Variants in IL7 observed in about 807,000 individuals in gnomAD.
The protein encoded by IL7 is interleukin 7, also known as interleukin-7.
Under a neutral mutation model 21.6 loss-of-function variants are expected in IL7, and 3 were observed. The observed-to-expected ratio is 0.14, with a 90% CI of 0.06 to 0.36. The LOEUF (loss-of-function observed/expected upper bound fraction) is 0.36, where lower values mean the gene tolerates loss of function less well. Among genes scored for constraint, IL7 ranks in the 10% least tolerant of loss-of-function variants. IL7 has a pLI of 1.00. For synonymous variants in IL7, 62 were observed against 68.1 expected (o/e 0.91, Z 0.44); for missense variants, 175 against 200.2 (o/e 0.87, Z 0.76).
At chr8:78,764,630 C>T (rs117999268) in intron 2 of IL7, among the ~76,000 whole-genome samples, 1,697 of 151,614 alleles carry the variant, frequency 0.011, 17 homozygotes, top group South Asian at 0.031. Context: ...AAAAAAATGT[C>T]CAAAATACAT....
At chr8:78,799,965 A>T (rs988315786) in intron 1 of IL7, among the ~76,000 whole-genome samples, 1 of 152,192 alleles carries the variant, frequency 6.6e-6, no homozygotes. Context: ...TTTCTTACTA[A>T]TACATATTTA....
intron 2 of IL7, among the ~76,000 whole-genome samples, chr8:78,746,478 C>A (rs1490794319): frequency 6.6e-6 from 1 of 152,184 alleles, no homozygotes; most frequent in Non-Finnish European, 1.5e-5. Context: ...TAAGAGAAAG[C>A]AAGGAGGAAG....
intron 2 of IL7, among the ~76,000 whole-genome samples, chr8:78,784,394 G>A (rs1238331058): frequency 6.6e-6 from 1 of 152,096 alleles, no homozygotes; most frequent in Non-Finnish European, 1.5e-5. Context: ...AGCCACCAAA[G>A]TACCAAAGTC....
intron 3 of IL7, among the ~76,000 whole-genome samples, chr8:78,739,187 G>A (rs1025805673): frequency 6.6e-6 from 1 of 152,112 alleles, no homozygotes; most frequent in Non-Finnish European, 1.5e-5. Flanking sequence ...GTTTTTAAAA[G>A]ACTATGAAAT....
At chr8:78,695,000 C>G (rs1810352141) in intron 3 of IL7, among the ~76,000 whole-genome samples, 1 of 152,024 alleles carries the variant, frequency 6.6e-6, no homozygotes, top group Admixed American at 6.5e-5. Flanking sequence ...TCTTTATATA[C>G]CAGTAGACTT....
Position 78,805,104 on chromosome 8 carries a change from G to A in IL7, c.-182C>T, listed in dbSNP as rs1040983225. 6.2e-5 allele frequency: 37 copies of A among 598,560 alleles called. No homozygotes were observed. Among genetic ancestry groups the A allele is most frequent in the Non-Finnish European group, 1.0e-4 (34 of 336,774 alleles). 37.1% of individuals were successfully genotyped at this position (598,560 alleles called of 1,614,324 possible). On this transcript the variant is annotated 5_prime_UTR_variant, in exon 1 of 6. Coordinates refer to ENST00000263851, the MANE Select transcript of IL7 (RefSeq NM_000880.4). ...GCGACTGCAGTTTCATCCATCCCAA[G>A]GGGGGCGGCACACACTACGGCGTGG...
At chr8:78,797,738 T>C (rs1352583978) in intron 2 of IL7, 1 of 181,812 alleles carries the variant, frequency 5.5e-6, no homozygotes, top group Non-Finnish European at 1.2e-5. Flanking sequence ...TTCCCACTCT[T>C]AATGTAATGC....
intron 2 of IL7, among the ~76,000 whole-genome samples, chr8:78,775,939 C>A (rs1813124107): frequency 6.6e-6 from 1 of 152,034 alleles, no homozygotes; most frequent in South Asian, 2.1e-4. Flanking sequence ...ACATTCTCTA[C>A]AGTAGTACCC....
At chr8:78,799,451 C>T (rs914102697) in intron 1 of IL7, among the ~76,000 whole-genome samples, 7 of 152,096 alleles carry the variant, frequency 4.6e-5, no homozygotes, top group Admixed American at 3.3e-4. Flanking sequence ...TCTAACTTCT[C>T]ATCTGCATAT....
chr8:78,746,968 G>T, intron 2 of IL7: 1 of 440,576 alleles, frequency 2.3e-6, no homozygotes, highest in South Asian at 1.7e-5. Context: ...AGGAGAGAAA[G>T]TCAATATGGT....
intron 2 of IL7, among the ~76,000 whole-genome samples, chr8:78,765,755 T>C (rs1812736623): frequency 6.6e-6 from 1 of 152,140 alleles, no homozygotes; most frequent in Admixed American, 6.5e-5. Context: ...TACAGCCACT[T>C]TGAAAGACAG....
At chr8:78,771,215 C>G (rs1812938432) in intron 2 of IL7, among the ~76,000 whole-genome samples, 1 of 139,372 alleles carries the variant, frequency 7.2e-6, no homozygotes, top group Non-Finnish European at 1.7e-5. Flanking sequence ...ATTCCTATTT[C>G]TCTCTCTCCA....
rs148803177 is a variant in IL7 at position 78,690,330 on chromosome 8, C to A, written n.215-4383G>T. Reference sequence around the variant, plus strand: ...ATCCCAGCACTTTGGGAGGCCAAGGCGGGCAGATCACGATTGTCAGGAGAT... The same window carrying A: ...ATCCCAGCACTTTGGGAGGCCAAGGAGGGCAGATCACGATTGTCAGGAGAT... On this transcript the variant is annotated intron_variant and non_coding_transcript_variant, in intron 3 of 4. Coordinates refer to the IL7 transcript ENST00000523959. 4.9e-3 allele frequency among the ~76,000 whole-genome samples: 751 copies of A among 152,218 alleles called. 5 individuals are homozygous for A. Among genetic ancestry groups the A allele is most frequent in the African/African-American group, 0.017 (716 of 41,544 alleles).
intron 2 of IL7, among the ~76,000 whole-genome samples, chr8:78,775,141 G>A (rs186170854): frequency 1.5e-3 from 232 of 152,160 alleles, no homozygotes; most frequent in Non-Finnish European, 2.8e-3. Flanking sequence ...ACACAACGTA[G>A]TATTTTATTA....
intron 3 of IL7, among the ~76,000 whole-genome samples, chr8:78,705,610 T>C (rs1810747279): frequency 6.6e-6 from 1 of 152,120 alleles, no homozygotes; most frequent in Non-Finnish European, 1.5e-5. Context: ...GGGACCACTG[T>C]GGTGTGCTGT....
chr8:78,721,694 G>A (rs1294552162), intron 3 of IL7, among the ~76,000 whole-genome samples: 8 of 151,938 alleles, frequency 5.3e-5, no homozygotes, highest in African/African-American at 1.9e-4. Context: ...GTCATGGGGC[G>A]TTAAGATGAA....
chr8:78,768,695 C>T (rs1200590379), intron 2 of IL7, among the ~76,000 whole-genome samples: 4 of 151,446 alleles, frequency 2.6e-5, no homozygotes, highest in African/African-American at 2.4e-5. Context: ...GAGTAGGTTG[C>T]GAAAATTTTC....
downstream of IL7, among the ~76,000 whole-genome samples, chr8:78,730,842 AT>A (rs1418072989): frequency 2.0e-5 from 3 of 152,024 alleles, no homozygotes; most frequent in Non-Finnish European, 4.4e-5. Flanking sequence ...ATAATGAATG[AT>A]GCAGGCTTAA....
At chr8:78,757,204 C>A (rs995588842) in intron 2 of IL7, among the ~76,000 whole-genome samples, 1 of 151,670 alleles carries the variant, frequency 6.6e-6, no homozygotes, top group Non-Finnish European at 1.5e-5. Context: ...TCCAAAATTT[C>A]TCTTATTATT....
Sources: allele counts gnomAD v4.1 joint callset (sites outside exome capture counted in the v4.1 genomes callset), GRCh38; gene constraint gnomAD v4.1.1; transcripts MANE v1.5; gene names NCBI Gene and HGNC (gene_info 2026-07-23, HGNC 2026-07-21).